Variants in PHLPP1 observed in about 807,000 individuals in gnomAD.
PHLPP1 encodes the protein PH domain leucine-rich repeat-containing protein phosphatase 1.
In PHLPP1, 42 loss-of-function variants were observed where a neutral mutation model predicts 117.2. The observed-to-expected ratio is 0.36, with a 90% CI of 0.28 to 0.46. The LOEUF (loss-of-function observed/expected upper bound fraction) is 0.46. Among genes scored for constraint, PHLPP1 ranks in the 20% least tolerant of loss-of-function variants. The pLI is 1.00. For synonymous variants in PHLPP1, 1,042 were observed against 970.7 expected (o/e 1.07, Z -1.37); for missense variants, 2,084 against 2,241.9 (o/e 0.93, Z 1.42).
rs10538704 is a variant in PHLPP1 at position 62,916,747 on chromosome 18, C to CTTTTTTTTTTTT, written c.2804+1752_2804+1763dup. 5.6e-3 allele frequency among the ~76,000 whole-genome samples: 398 copies of CTTTTTTTTTTTT among 71,078 alleles called. 17 individuals are homozygous for CTTTTTTTTTTTT. The highest frequency in any genetic ancestry group is 9.1e-3 in the East Asian group (20 of 2,208). The allele number at this position is 71,078 out of a possible 152,430, so 46.6% of individuals were successfully genotyped here. A position where few individuals can be genotyped will look rare whatever the true frequency, so the allele number is the denominator to read the frequency against. On this transcript the variant is annotated intron_variant, in intron 9 of 16. Coordinates refer to ENST00000262719, the MANE Select transcript of PHLPP1 (RefSeq NM_194449.4). The stretch of plus-strand genomic sequence containing the variant: ...TTCTTCTATTTTCTTTCCTTCTATT[C>CTTTTTTTTTTTT]TTTTTTTTTTTTTTTTTTTTTTTTG...
At chr18:62,769,573 A>G (rs527345994) in intron 1 of PHLPP1, among the ~76,000 whole-genome samples, 2 of 152,312 alleles carry the variant, frequency 1.3e-5, no homozygotes, top group East Asian at 1.9e-4. Flanking sequence ...TTCATATACC[A>G]GGAAAAATAG....
In PHLPP1 at chr18:62,716,010, A is replaced by C. The variant is rs1188005160; in HGVS notation, c.327A>C (p.Val109=). ...PQPIAGGAAP[V]PGAGGGANSL... ...CCATTGCCGGCGGGGCTGCCCCCGT[A>C]CCCGGGGCCGGCGGCGGCGCCAACT... The change falls in exon 1 of 17, where the codon GTA becomes GTC. Residue 109 remains valine (V), a synonymous_variant. Transcript: ENST00000262719. The surrounding 1 kb of genome is among the most constrained non-coding windows in gnomAD (Gnocchi z 5.7). 1 of 1,381,516 alleles carries C rather than the reference A, an allele frequency of 7.2e-7. No individual in the cohort carries two copies. Among genetic ancestry groups the C allele is most frequent in the Non-Finnish European group, 9.3e-7 (1 of 1,076,706 alleles). The allele number at this position is 1,381,516 out of a possible 1,614,324, so 85.6% of individuals were successfully genotyped here. A position where few individuals can be genotyped will look rare whatever the true frequency, so the allele number is the denominator to read the frequency against.
At chr18:62,759,747 A>G (rs568433874) in intron 1 of PHLPP1, among the ~76,000 whole-genome samples, 1 of 152,376 alleles carries the variant, frequency 6.6e-6, no homozygotes, top group Non-Finnish European at 1.5e-5. Flanking sequence ...GACTCAGTTA[A>G]GAGCGGGTTT....
chr18:62,958,340 G>T (rs1188238541), intron 12 of PHLPP1, among the ~76,000 whole-genome samples: 1 of 152,192 alleles, frequency 6.6e-6, no homozygotes, highest in Non-Finnish European at 1.5e-5. Flanking sequence ...GGATTTTTTA[G>T]TTAATGCTTA....
rs954829531 is a variant in PHLPP1, at chr18:62,861,261, G to A, written c.2066+660G>A. On this transcript the variant is annotated intron_variant, in intron 4 of 16. Coordinates refer to ENST00000262719, the MANE Select transcript of PHLPP1 (RefSeq NM_194449.4). ...AGTAGCTGGGATTACAGGCGCCCAC[G>A]CCCTCTTAATTTTTGTATTTTTAGT... Among the ~76,000 whole-genome samples the A allele has an allele frequency of 5.3e-5, 8 of 151,968 alleles. 1 individual carries two copies. Among genetic ancestry groups the A allele is most frequent in the Admixed American group, 3.3e-4 (5 of 15,244 alleles).
chr18:62,824,660 T>G (rs1232161675), intron 1 of PHLPP1, among the ~76,000 whole-genome samples: 3 of 152,164 alleles, frequency 2.0e-5, no homozygotes. Flanking sequence ...AGTGGAAGAT[T>G]TTTAAAAGGT....
chr18:62,742,204 A>G (rs1366610897), intron 1 of PHLPP1, among the ~76,000 whole-genome samples: 3 of 152,192 alleles, frequency 2.0e-5, no homozygotes. Context: ...AAAAGAGAAA[A>G]GGAAGATAAA....
intron 3 of PHLPP1, among the ~76,000 whole-genome samples, chr18:62,855,569 G>A (rs941112088): frequency 6.6e-6 from 1 of 152,184 alleles, no homozygotes; most frequent in Non-Finnish European, 1.5e-5. Flanking sequence ...CTGCCTAGTG[G>A]CCATATTAAC....
intron 4 of PHLPP1, among the ~76,000 whole-genome samples, chr18:62,875,966 G>C (rs1302678351): frequency 6.6e-6 from 1 of 151,868 alleles, no homozygotes; most frequent in African/African-American, 2.4e-5. Flanking sequence ...CTCCTGACCT[G>C]AGATGATCTG....
intron 1 of PHLPP1, among the ~76,000 whole-genome samples, chr18:62,731,873 A>G (rs886399681): frequency 5.9e-5 from 9 of 152,200 alleles, no homozygotes; most frequent in Admixed American, 2.6e-4. Flanking sequence ...ACTTAATCCA[A>G]ACCCTAATCC....
intron 3 of PHLPP1, among the ~76,000 whole-genome samples, chr18:62,849,293 A>C (rs1412596976): frequency 1.3e-5 from 2 of 152,168 alleles, no homozygotes; most frequent in African/African-American, 4.8e-5. Flanking sequence ...GATTAACCAG[A>C]TATCTGTATC....
chr18:62,873,354 C>A (rs947044386), intron 4 of PHLPP1, among the ~76,000 whole-genome samples: 2 of 152,094 alleles, frequency 1.3e-5, no homozygotes, highest in East Asian at 3.8e-4. Flanking sequence ...AAGAAAGAAG[C>A]CTGTGTTCTA....
intron 1 of PHLPP1, among the ~76,000 whole-genome samples, chr18:62,761,276 A>T (rs982188767): frequency 1.3e-5 from 2 of 152,184 alleles, no homozygotes; most frequent in African/African-American, 2.4e-5. Context: ...TTCTGGAAGG[A>T]ATGGTGATAA....
chr18:62,841,364 G>A (rs563030287), intron 3 of PHLPP1, among the ~76,000 whole-genome samples: 2 of 129,154 alleles, frequency 1.5e-5, no homozygotes, highest in South Asian at 2.4e-4. Context: ...ATGGAGTCTC[G>A]CTCTGTCGCC....
At position 62,963,252 on chromosome 18, in the gene PHLPP1, A is replaced by G; in HGVS notation, c.3456-116A>G. Reference sequence around the variant, plus strand: ...TATTTCAGACACATTAAACGCAGTAAGAAATGGTAAGTACAGAGTGTTTAA... The same window carrying G: ...TATTTCAGACACATTAAACGCAGTAGGAAATGGTAAGTACAGAGTGTTTAA... On this transcript the variant is annotated intron_variant, in intron 13 of 16. Transcript: ENST00000262719. 3 of 639,290 alleles carry G rather than the reference A, an allele frequency of 4.7e-6. No individual in the cohort carries two copies. The South Asian group carries it at 6.0e-5, about 13-fold the overall frequency. The allele number at this position is 639,290 out of a possible 1,614,324, so 39.6% of individuals were successfully genotyped here.
chr18:62,840,487 TGAG>T (rs778366177), intron 3 of PHLPP1, among the ~76,000 whole-genome samples: 15 of 152,328 alleles, frequency 9.8e-5, no homozygotes, highest in South Asian at 6.2e-4. Flanking sequence ...TGTGAGGAGA[TGAG>T]GAGATATTAA....
intron 1 of PHLPP1, among the ~76,000 whole-genome samples, chr18:62,820,946 T>G (rs1914434473): frequency 6.6e-6 from 1 of 152,040 alleles, no homozygotes; most frequent in Non-Finnish European, 1.5e-5. Context: ...CAGAGACCAA[T>G]AAAAGAAAGA....
chr18:62,745,402 A>G (rs763798864), intron 1 of PHLPP1, among the ~76,000 whole-genome samples: 5 of 152,240 alleles, frequency 3.3e-5, no homozygotes, highest in African/African-American at 4.8e-5. Flanking sequence ...ACTCCAAACA[A>G]TCAATAAACT....
intron 1 of PHLPP1, among the ~76,000 whole-genome samples, chr18:62,771,294 A>G (rs889502936): frequency 2.6e-5 from 4 of 151,954 alleles, no homozygotes; most frequent in African/African-American, 4.8e-5. Context: ...TGGCATCACC[A>G]TTGTTCCTGA....
Sources: allele counts gnomAD v4.1 joint callset (sites outside exome capture counted in the v4.1 genomes callset), GRCh38; gene constraint gnomAD v4.1.1; non-coding constraint Gnocchi (gnomAD v3.1); transcripts MANE v1.5; gene names NCBI Gene and HGNC (gene_info 2026-07-23, HGNC 2026-07-21).